SNX9: variants seen among roughly 807,000 people sequenced by gnomAD.
SNX9 encodes the protein sorting nexin-9.
In SNX9, 44 loss-of-function variants were observed where a neutral mutation model predicts 89.4. The observed-to-expected ratio is 0.49, with a 90% CI of 0.39 to 0.63. The LOEUF is 0.63. SNX9 is among the 30% of genes least tolerant of loss of function. The pLI is 0.00. For synonymous variants in SNX9, 236 were observed against 247.8 expected (o/e 0.95, Z 0.45); for missense variants, 578 against 736.1 (o/e 0.79, Z 2.49).
chr6:157,832,170 G>A (rs937810682), intron 1 of SNX9, among the ~76,000 whole-genome samples: 1 of 152,174 alleles, frequency 6.6e-6, no homozygotes, highest in African/African-American at 2.4e-5. Context: ...TGAAAATCGA[G>A]TCATATGGTA....
chr6:157,851,734 C>T (rs574989144), intron 1 of SNX9, among the ~76,000 whole-genome samples: 1 of 152,070 alleles, frequency 6.6e-6, no homozygotes, highest in Non-Finnish European at 1.5e-5. Context: ...GGATTACAGG[C>T]GTTCGCTACC....
chr6:157,889,430 CAAAAAAAAA>C (rs56303673), intron 4 of SNX9, among the ~76,000 whole-genome samples: 1 of 58,504 alleles, frequency 1.7e-5, no homozygotes, highest in Non-Finnish European at 4.0e-5. Context: ...GACCCTGTCT[CAAAAAAAAA>C]AAAAAAAAAA....
At chr6:157,834,339 TAAAA>T (rs1781538048) in intron 1 of SNX9, among the ~76,000 whole-genome samples, 1 of 149,662 alleles carries the variant, frequency 6.7e-6, no homozygotes, top group Non-Finnish European at 1.5e-5. Flanking sequence ...CTGGCTAATT[TAAAA>T]GAATTTTTTT....
chr6:157,924,915 G>C (rs572374919), intron 10 of SNX9, among the ~76,000 whole-genome samples: 58 of 152,010 alleles, frequency 3.8e-4, no homozygotes, highest in African/African-American at 1.4e-3. Context: ...CATGTGGCTC[G>C]CAGATTTAAA....
chr6:157,870,744 A>G (rs530398059), intron 2 of SNX9, among the ~76,000 whole-genome samples: 7 of 148,652 alleles, frequency 4.7e-5, no homozygotes, highest in Non-Finnish European at 5.9e-5. Context: ...GCAAGCATGC[A>G]CACCCCTCAG....
chr6:157,907,204 T>C (rs1267693808), intron 7 of SNX9, among the ~76,000 whole-genome samples: 1 of 152,196 alleles, frequency 6.6e-6, no homozygotes, highest in East Asian at 1.9e-4. Flanking sequence ...AAATTGAACA[T>C]GTACCATTAT....
At chr6:157,890,566 A>AC (rs1782836780) in intron 4 of SNX9, among the ~76,000 whole-genome samples, 1 of 152,152 alleles carries the variant, frequency 6.6e-6, no homozygotes, top group Non-Finnish European at 1.5e-5. Flanking sequence ...ATAATCATCT[A>AC]CCTGTGGTGA....
intron 1 of SNX9, among the ~76,000 whole-genome samples, chr6:157,841,882 T>C (rs567804024): frequency 6.6e-6 from 1 of 152,290 alleles, no homozygotes; most frequent in South Asian, 2.1e-4. Context: ...TTTATAAAAA[T>C]TTTAAACATG....
intron 13 of SNX9, among the ~76,000 whole-genome samples, chr6:157,933,208 C>T (rs764364309): frequency 2.6e-5 from 4 of 152,114 alleles, no homozygotes; most frequent in African/African-American, 4.8e-5. Flanking sequence ...GCAGAAGGAT[C>T]GCTTGAGCCC....
chr6:157,882,973 G>A (rs1030112898), intron 4 of SNX9, among the ~76,000 whole-genome samples: 2 of 152,168 alleles, frequency 1.3e-5, no homozygotes, highest in African/African-American at 4.8e-5. Context: ...CTATCAAACA[G>A]CATCACATGC....
intron 1 of SNX9, among the ~76,000 whole-genome samples, chr6:157,856,273 T>C (rs1782009668): frequency 6.6e-6 from 1 of 152,226 alleles, no homozygotes; most frequent in African/African-American, 2.4e-5. Flanking sequence ...CCAAACACAT[T>C]CAGAAGTAGA....
intron 16 of SNX9, among the ~76,000 whole-genome samples, chr6:157,939,563 G>A (rs1161181720): frequency 6.6e-6 from 1 of 152,168 alleles, no homozygotes; most frequent in Non-Finnish European, 1.5e-5. Context: ...TAAAGATGTG[G>A]TACTGGGGAG....
At chr6:157,923,974 G>C (rs1214232307) in intron 10 of SNX9, among the ~76,000 whole-genome samples, 1 of 152,176 alleles carries the variant, frequency 6.6e-6, no homozygotes, top group Non-Finnish European at 1.5e-5. Context: ...GGGTGTGGCG[G>C]ATCACTTGAG....
chr6:157,912,073 G>T (rs1386713225), intron 9 of SNX9, among the ~76,000 whole-genome samples: 1 of 152,126 alleles, frequency 6.6e-6, no homozygotes, highest in Non-Finnish European at 1.5e-5. Context: ...GACACTCCCT[G>T]TACCTCAACC....
chr6:157,837,066 G>A (rs187683443), intron 1 of SNX9, among the ~76,000 whole-genome samples: 10 of 152,340 alleles, frequency 6.6e-5, no homozygotes, highest in South Asian at 2.1e-4. Context: ...CTAGCATGCC[G>A]TGTGCAGTGA....
intron 1 of SNX9, among the ~76,000 whole-genome samples, chr6:157,846,652 A>G (rs946918083): frequency 1.3e-5 from 2 of 152,226 alleles, no homozygotes; most frequent in African/African-American, 4.8e-5. Context: ...TGACCCTGTC[A>G]TTTTTCATGT....
At chr6:157,890,738 C>T (rs1450985630) in intron 4 of SNX9, among the ~76,000 whole-genome samples, 1 of 152,194 alleles carries the variant, frequency 6.6e-6, no homozygotes, top group Non-Finnish European at 1.5e-5. Context: ...TCTCTGTGTC[C>T]TTCTAATGGA....
intron 4 of SNX9, among the ~76,000 whole-genome samples, chr6:157,884,892 A>T (rs116950209): frequency 6.6e-6 from 1 of 152,138 alleles, no homozygotes; most frequent in African/African-American, 2.4e-5. Flanking sequence ...AACTGCAGTG[A>T]TGAAGGACCA....
intron 4 of SNX9, among the ~76,000 whole-genome samples, chr6:157,887,266 A>G (rs1380336807): frequency 6.6e-6 from 1 of 152,162 alleles, no homozygotes. Context: ...CCTTTGTAGT[A>G]TTGTACCCGA....
Sources: gnomAD v4.1 joint callset for allele counts (sites outside exome capture counted in the v4.1 genomes callset) on GRCh38, gnomAD v4.1.1 for gene constraint, MANE v1.5 for transcripts, NCBI Gene and HGNC (gene_info 2026-07-23, HGNC 2026-07-21) for gene names.